Variants in C4orf50 observed in about 807,000 individuals in gnomAD.
C4orf50 encodes chromosome 4 open reading frame 50.
In C4orf50, 80 loss-of-function variants were observed where a neutral mutation model predicts 77.2. That is an observed-to-expected ratio of 1.04 (90% CI 0.87 to 1.25). C4orf50 has a LOEUF of 1.25. Ranked by LOEUF, C4orf50 falls within the 50% of genes most tolerant of loss-of-function variation. The pLI is 0.00. For missense variants in C4orf50, 1,257 were observed against 1,152.9 expected (o/e 1.09, Z -1.31); for synonymous variants, 532 against 465.3 (o/e 1.14, Z -1.84).
chr4:5,897,590 A>G (rs1378605859), downstream of C4orf50: 1 of 152,360 alleles, frequency 6.6e-6, no homozygotes, highest in Non-Finnish European at 1.5e-5. Flanking sequence ...TAAAACATTC[A>G]GAAGGGAAAA....
chr4:6,001,896 G>T (rs1721846111), intron 25 of C4orf50, among the ~76,000 whole-genome samples: 1 of 152,336 alleles, frequency 6.6e-6, no homozygotes, highest in South Asian at 2.1e-4. Flanking sequence ...CCCTTGGGAG[G>T]CTCAGCCCAG....
chr4:5,939,040 A>C (rs1718155395), intron 7 of C4orf50, among the ~76,000 whole-genome samples: 1 of 152,104 alleles, frequency 6.6e-6, no homozygotes, highest in Non-Finnish European at 1.5e-5. Context: ...TCAGGAGTTC[A>C]AGACCAGCCT....
At chr4:5,979,704 G>T (rs931170255) in intron 29 of C4orf50, among the ~76,000 whole-genome samples, 5 of 152,226 alleles carry the variant, frequency 3.3e-5, no homozygotes, top group Non-Finnish European at 1.5e-5. Flanking sequence ...CCCCCAGTGG[G>T]AATATTTTGC....
At chr4:5,986,207 G>A (rs1325201201) in intron 28 of C4orf50, among the ~76,000 whole-genome samples, 1 of 152,020 alleles carries the variant, frequency 6.6e-6, no homozygotes, top group African/African-American at 2.4e-5. Flanking sequence ...TCTTTACAAG[G>A]GTATGTGGGA....
chr4:5,967,264 G>A (rs577625536), intron 32 of C4orf50, 150 bp downstream of exon 10: 2 of 676,292 alleles, frequency 3.0e-6, no homozygotes, highest in African/African-American at 1.8e-5. Context: ...ATGCCACATA[G>A]GAAAGCGGGA....
chr4:6,006,166 G>A (rs1003146171), intron 25 of C4orf50, among the ~76,000 whole-genome samples: 3 of 152,182 alleles, frequency 2.0e-5, no homozygotes, highest in East Asian at 1.9e-4. Context: ...TAAGACCACC[G>A]ATGAAGCCGT....
At chr4:5,902,869 G>A (rs563534130) in intron 7 of C4orf50, 1 of 152,296 alleles carries the variant, frequency 6.6e-6, no homozygotes, top group Non-Finnish European at 1.5e-5. Flanking sequence ...CTTTGTCCCA[G>A]GGACCTGGGA....
exon 28 of C4orf50, chr4:5,988,375 G>T: frequency 6.2e-7 from 1 of 1,614,044 alleles, no homozygotes; most frequent in Non-Finnish European, 8.5e-7. Context: ...GGAGCTCAGA[G>T]CTTGCCCCTG....
rs766546922 is a variant in C4orf50, at chr4:6,005,410, A to G, written c.963+2586T>C. On this transcript the variant is annotated intron_variant, in intron 25 of 33. Transcript: ENST00000531445. ...ATAAGAGGAAGCATGAAACCTTGAG[A>G]AGGTCACAGACACACATTGACAAGG... Among the ~76,000 whole-genome samples, 12 of 151,416 alleles carry G rather than the reference A, an allele frequency of 7.9e-5. No individual in the cohort carries two copies. In the East Asian group the frequency reaches 2.4e-3, roughly 30 times the overall value.
downstream of C4orf50, among the ~76,000 whole-genome samples, chr4:5,954,290 T>C (rs2108758346): frequency 6.6e-6 from 1 of 151,952 alleles, no homozygotes; most frequent in Non-Finnish European, 1.5e-5. This position sits in a 1 kb window ranked among gnomAD's most constrained non-coding sequence, Gnocchi z 4.7. Flanking sequence ...GTCCAGCAAA[T>C]ACCAGGGACC....
rs1213324983 is a variant in C4orf50 at position 6,011,498 on chromosome 4, T to C, written c.426+332A>G. On this transcript the variant is annotated intron_variant, in intron 24 of 33. Transcript: ENST00000531445. The surrounding 1 kb of genome is among the most constrained non-coding windows in gnomAD (Gnocchi z 4.2). ...GGCACCCCACATCCGGGTTTAGAGTTATTTGTTTCTTATCAGTCTCCCCCA... is the reference window on the plus strand; with the variant it reads ...GGCACCCCACATCCGGGTTTAGAGTCATTTGTTTCTTATCAGTCTCCCCCA... Among the ~76,000 whole-genome samples, 1 of 152,028 alleles carries C rather than the reference T, an allele frequency of 6.6e-6. No individual in the cohort carries two copies. The highest frequency in any genetic ancestry group is 6.5e-5 in the Admixed American group (1 of 15,278).
At chr4:6,004,167 ATGATGGTGATGATGGTGATGG>A (rs1722061116) in intron 25 of C4orf50, among the ~76,000 whole-genome samples, 1 of 100,498 alleles carries the variant, frequency 1.0e-5, no homozygotes, top group Admixed American at 1.1e-4. Context: ...GATGATAGTG[ATGATGGTGATGATGGTGATGG>A]TGATGATGGT....
intron 28 of C4orf50, among the ~76,000 whole-genome samples, chr4:5,985,137 G>A (rs1316222292): frequency 2.0e-5 from 3 of 151,656 alleles, no homozygotes; most frequent in Non-Finnish European, 4.4e-5. Flanking sequence ...AGAATCCAAT[G>A]GGAAGAAAAA....
chr4:5,981,240 T>A (rs568921265), intron 28 of C4orf50, among the ~76,000 whole-genome samples: 290 of 152,256 alleles, frequency 1.9e-3, no homozygotes, highest in Non-Finnish European at 3.4e-3. Flanking sequence ...TATTAGTATA[T>A]ACGCAGCCTC....
At chr4:5,996,610 G>A (rs1721601900) in intron 25 of C4orf50, among the ~76,000 whole-genome samples, 1 of 152,144 alleles carries the variant, frequency 6.6e-6, no homozygotes, top group Non-Finnish European at 1.5e-5. Flanking sequence ...GGCCTTCTTT[G>A]GCCTTCATCT....
At chr4:5,983,128 C>T (rs1437048926) in intron 28 of C4orf50, among the ~76,000 whole-genome samples, 1 of 152,202 alleles carries the variant, frequency 6.6e-6, no homozygotes. Flanking sequence ...TCCTCAACCC[C>T]AGTGTCACCT....
At position 5,989,078 on chromosome 4, in the gene C4orf50, TTAAC is replaced by T. The variant is rs1176862188; in HGVS notation, c.2964_2967del (p.Leu989ArgfsTer35). Reference sequence around the variant, plus strand: ...TGTAAATATTGATCCAGTTCTTTCTTTAACTGAGAGATGTCCCCTACCAGCCTGT... The same window carrying T: ...TGTAAATATTGATCCAGTTCTTTCTTTGAGAGATGTCCCCTACCAGCCTGT... On this transcript the variant is annotated frameshift_variant, in exon 28 of 34. Coordinates refer to ENST00000531445, the Ensembl canonical transcript of C4orf50. LOFTEE classifies it high-confidence loss of function. The T allele has an allele frequency of 3.3e-6, 5 of 1,536,066 alleles. No homozygotes were observed. Among genetic ancestry groups the T allele is most frequent in the Non-Finnish European group, 4.4e-6 (5 of 1,146,892 alleles).
intron 7 of C4orf50, among the ~76,000 whole-genome samples, chr4:5,941,535 T>A (rs1339354508): frequency 6.6e-6 from 1 of 152,160 alleles, no homozygotes; most frequent in African/African-American, 2.4e-5. Context: ...GAAACTAACA[T>A]CTATTTGTTA....
chr4:5,950,364 T>C (rs1472402618), intron 7 of C4orf50, among the ~76,000 whole-genome samples: 4 of 152,200 alleles, frequency 2.6e-5, no homozygotes, highest in Non-Finnish European at 5.9e-5. Flanking sequence ...CTAGCTTTAC[T>C]CTGAAATAAT....
Sources: allele counts gnomAD v4.1 joint callset (sites outside exome capture counted in the v4.1 genomes callset), GRCh38; gene constraint gnomAD v4.1.1; non-coding constraint Gnocchi (gnomAD v3.1); transcripts MANE v1.5; gene names NCBI Gene and HGNC (gene_info 2026-07-23, HGNC 2026-07-21).